Variants in SRGAP2C observed in about 807,000 individuals in gnomAD.
SRGAP2C encodes SLIT-ROBO Rho GTPase activating protein 2C.
SRGAP2C carries 15 observed loss-of-function variants against 25.1 expected under a neutral mutation model. The ratio of observed to expected loss-of-function variants is 0.60; its 90% CI spans 0.40 to 0.92. The LOEUF (loss-of-function observed/expected upper bound fraction) is 0.92, where lower values mean the gene tolerates loss of function less well. SRGAP2C is among the 40% of genes least tolerant of loss of function. SRGAP2C has a pLI of 0.00. For missense variants in SRGAP2C, 144 were observed against 264.4 expected (o/e 0.54, Z 3.16); for synonymous variants, 44 against 96.6 (o/e 0.46, Z 3.19).
intron 2 of SRGAP2C, among the ~76,000 whole-genome samples, chr1:121,202,171 ATGAAT>A (rs1460917280): frequency 6.6e-6 from 1 of 152,074 alleles, no homozygotes; most frequent in Non-Finnish European, 1.5e-5. Context: ...AAGAGACTTG[ATGAAT>A]TGAACTCATG....
At chr1:121,339,579 G>T (rs1430858097) in intron 4 of SRGAP2C, among the ~76,000 whole-genome samples, 4 of 142,734 alleles carry the variant, frequency 2.8e-5, no homozygotes, top group African/African-American at 7.9e-5. Context: ...ACTCTCCCCT[G>T]GACTATGTTC....
chr1:121,204,219 G>A (rs1655060168), intron 2 of SRGAP2C, among the ~76,000 whole-genome samples: 1 of 151,492 alleles, frequency 6.6e-6, no homozygotes, highest in African/African-American at 2.4e-5. Flanking sequence ...AGATAGAAAA[G>A]TAGGTTTTGC....
chr1:121,290,442 C>A (rs1657470206), intron 3 of SRGAP2C, among the ~76,000 whole-genome samples: 1 of 151,038 alleles, frequency 6.6e-6, no homozygotes, highest in African/African-American at 2.4e-5. Context: ...GGGTAACAAT[C>A]AGTCTACTTA....
chr1:121,217,599 G>A (rs1302017141), intron 2 of SRGAP2C, among the ~76,000 whole-genome samples: 1 of 151,826 alleles, frequency 6.6e-6, no homozygotes, highest in African/African-American at 2.4e-5. Context: ...CTAATGTCAG[G>A]TGACTCAAAT....
intron 2 of SRGAP2C, among the ~76,000 whole-genome samples, chr1:121,268,363 G>A (rs1656857591): frequency 6.6e-6 from 1 of 151,662 alleles, no homozygotes; most frequent in African/African-American, 2.4e-5. Context: ...AGAGGCCAGT[G>A]TAGCTGGGGG....
chr1:121,385,521 T>A (rs1390570662), intron 8 of SRGAP2C, among the ~76,000 whole-genome samples: 1 of 128,854 alleles, frequency 7.8e-6, no homozygotes, highest in African/African-American at 3.0e-5. Context: ...TAAAAGCCAA[T>A]GGAGGAAAAG....
At chr1:121,186,389 C>CA (rs1491307145) in intron 1 of SRGAP2C, among the ~76,000 whole-genome samples, 2 of 69,942 alleles carry the variant, frequency 2.9e-5, no homozygotes, top group East Asian at 1.2e-3. Flanking sequence ...TTGCCCCCCC[C>CA]ACCCCATCAA....
chr1:121,283,542 G>A (rs1657298124), intron 2 of SRGAP2C, among the ~76,000 whole-genome samples: 1 of 151,108 alleles, frequency 6.6e-6, no homozygotes, highest in Non-Finnish European at 1.5e-5. Flanking sequence ...GCATTACATA[G>A]CATTACATAG....
intron 3 of SRGAP2C, among the ~76,000 whole-genome samples, chr1:121,322,083 T>C (rs1333145923): frequency 6.7e-6 from 1 of 149,936 alleles, no homozygotes; most frequent in Non-Finnish European, 1.5e-5. Context: ...TGGAATTGAA[T>C]TGTGGCATTA....
chr1:121,331,793 T>G (rs1412395033), intron 4 of SRGAP2C, among the ~76,000 whole-genome samples: 1 of 149,318 alleles, frequency 6.7e-6, no homozygotes, highest in Non-Finnish European at 1.5e-5. Context: ...AAAAACATTA[T>G]GTTGATAAAA....
At chr1:121,327,834 C>T (rs1253702941) in intron 4 of SRGAP2C, among the ~76,000 whole-genome samples, 1 of 151,942 alleles carries the variant, frequency 6.6e-6, no homozygotes, top group Non-Finnish European at 1.5e-5. Context: ...CCAAGTGACC[C>T]TTTCTCTTGG....
chr1:121,376,909 T>C (rs1659668009), intron 7 of SRGAP2C, among the ~76,000 whole-genome samples: 1 of 148,898 alleles, frequency 6.7e-6, no homozygotes, highest in African/African-American at 2.5e-5. Flanking sequence ...ACACCGCTGC[T>C]ATTGGTTAGC....
intron 4 of SRGAP2C, among the ~76,000 whole-genome samples, chr1:121,363,848 AATAC>A (rs1349470095): frequency 6.7e-6 from 1 of 150,252 alleles, no homozygotes; most frequent in Non-Finnish European, 1.5e-5. Context: ...AGATTAGAAA[AATAC>A]ATAACAACAC....
intron 2 of SRGAP2C, among the ~76,000 whole-genome samples, chr1:121,210,018 A>T (rs1410780810): frequency 8.6e-5 from 13 of 150,916 alleles, no homozygotes; most frequent in African/African-American, 2.2e-4. Context: ...GCTGTTTAAC[A>T]GTGTTGGGTT....
At chr1:121,223,366 TGTGTGTG>T (rs1655583915) in intron 2 of SRGAP2C, among the ~76,000 whole-genome samples, 2 of 103,838 alleles carry the variant, frequency 1.9e-5, no homozygotes, top group Admixed American at 1.9e-4. Flanking sequence ...TGTGTGTGTG[TGTGTGTG>T]TGTGTGTGTG....
At chr1:121,370,439 C>CTTTT (rs201539761) in intron 5 of SRGAP2C, among the ~76,000 whole-genome samples, 1 of 81,816 alleles carries the variant, frequency 1.2e-5, no homozygotes, top group Non-Finnish European at 2.4e-5. Flanking sequence ...CTCAGACTTC[C>CTTTT]TTTTTTTTTT....
At chr1:121,305,038 C>T (rs1255932822) in intron 3 of SRGAP2C, among the ~76,000 whole-genome samples, 4 of 151,556 alleles carry the variant, frequency 2.6e-5, no homozygotes, top group Admixed American at 6.6e-5. Flanking sequence ...GCCAGACATG[C>T]ACTGAGAACA....
chr1:121,293,755 A>G (rs1430838935), intron 3 of SRGAP2C, among the ~76,000 whole-genome samples: 3 of 139,176 alleles, frequency 2.2e-5, no homozygotes, highest in Admixed American at 7.3e-5. Context: ...CCTCCCCCGG[A>G]GCTGTAGCAG....
intron 4 of SRGAP2C, among the ~76,000 whole-genome samples, chr1:121,365,077 G>T (rs1380781414): frequency 1.2e-5 from 1 of 84,580 alleles, no homozygotes; most frequent in African/African-American, 4.3e-5. Flanking sequence ...TTCCCTCTAC[G>T]CAATTGCCTT....
Sources: allele counts gnomAD v4.1 joint callset (sites outside exome capture counted in the v4.1 genomes callset), GRCh38; gene constraint gnomAD v4.1.1; transcripts MANE v1.5; gene names NCBI Gene and HGNC (gene_info 2026-07-23, HGNC 2026-07-21).